The following MED15 variants were observed in gnomAD, a reference collection of about 807,000 sequenced individuals.
MED15 encodes mediator complex subunit 15, also known as mediator of RNA polymerase II transcription subunit 15.
MED15 carries 41 observed loss-of-function variants against 118.7 expected under a neutral mutation model. The observed-to-expected ratio is 0.35, with a 90% confidence interval of 0.27 to 0.45. MED15 has a LOEUF of 0.45. Among genes scored for constraint, MED15 ranks in the 20% least tolerant of loss-of-function variants. MED15 has a pLI of 1.00. For missense variants in MED15, 740 were observed against 1,025.5 expected (o/e 0.72, Z 3.80); for synonymous variants, 436 against 413.9 (o/e 1.05, Z -0.65).
Position 20,586,832 on chromosome 22 carries a change from C to A in MED15, c.*128C>A. 1 of 1,351,194 alleles carries A rather than the reference C, an allele frequency of 7.4e-7. No individual in the cohort carries two copies. The highest frequency in any genetic ancestry group is 9.9e-7 in the Non-Finnish European group (1 of 1,005,222). 83.7% of individuals were successfully genotyped at this position (1,351,194 alleles called of 1,614,324 possible). ...TTAGCTTTCCTGCTTTTATCTTCTG[C>A]CTTGGGGACCTGCCAAACGAAATCC... On this transcript the variant is annotated 3_prime_UTR_variant, in exon 18 of 18. Transcript: ENST00000263205.
At chr22:20,520,560 G>A (rs2054410047) in intron 1 of MED15, among the ~76,000 whole-genome samples, 1 of 152,218 alleles carries the variant, frequency 6.6e-6, no homozygotes, top group Admixed American at 6.5e-5. Context: ...TTCATGGGGT[G>A]TTTAAATTGA....
chr22:20,564,728 C>T (rs749983855), intron 6 of MED15, 40 bp downstream of exon 6: 6 of 1,612,226 alleles, frequency 3.7e-6, no homozygotes, highest in Non-Finnish European at 5.1e-6. Context: ...CTCCCTCCTG[C>T]AGCGTGAGCC....
At chr22:20,528,678 A>G (rs953486376) in intron 1 of MED15, among the ~76,000 whole-genome samples, 4 of 152,310 alleles carry the variant, frequency 2.6e-5, no homozygotes, top group Admixed American at 2.6e-4. Context: ...CCTGGCTGCC[A>G]GCATGCTGCT....
chr22:20,511,590 A>G (rs2054066079), intron 1 of MED15, among the ~76,000 whole-genome samples: 2 of 151,932 alleles, frequency 1.3e-5, no homozygotes, highest in African/African-American at 2.4e-5. Context: ...ACAATGCCCC[A>G]GAGCATGAGC....
At chr22:20,535,895 T>G (rs1174036126) in intron 1 of MED15, among the ~76,000 whole-genome samples, 1 of 82,758 alleles carries the variant, frequency 1.2e-5, no homozygotes, top group African/African-American at 4.6e-5. Context: ...TTTTTTTTTT[T>G]GAGATGGAGT....
In MED15 at chr22:20,555,127, G is replaced by T. The variant is rs747993472; in HGVS notation, c.430G>T (p.Val144Leu). ...SGMAPHSMAV[V>L]STATPQTQLQ... ...GATGGCCCCTCACAGCATGGCTGTC[G>T]TGTCTACGGCAACTCCACAGAGTGA... Residue 144 changes from valine (V) to leucine (L), a missense_variant, in exon 5 of 18, where the codon GTG becomes TTG. Val to Leu is a conservative substitution (Grantham distance 32). This residue lies in a region of MED15 where 117 missense variants were observed against 124.6 expected (regional missense o/e 0.94). Transcript: ENST00000263205. The T allele has an allele frequency of 1.2e-6, 2 of 1,605,218 alleles. No homozygotes were observed. The highest frequency in any genetic ancestry group is 2.2e-5 in the South Asian group (2 of 89,842).
chr22:20,513,532 C>T (rs1011562108), intron 1 of MED15, among the ~76,000 whole-genome samples: 1 of 152,194 alleles, frequency 6.6e-6, no homozygotes, highest in African/African-American at 2.4e-5. Flanking sequence ...CTGCCTCGGC[C>T]TCCCAAAGTG....
chr22:20,568,633 T>G lies in MED15; in HGVS notation c.1152+2T>G, dbSNP rs1173398862. 6.2e-7 allele frequency: 1 copy of G among 1,612,392 alleles called. No individual in the cohort carries two copies. On this transcript the variant is annotated splice_donor_variant, in intron 8 of 17. Transcript: ENST00000263205. LOFTEE classifies it high-confidence loss of function. Reference sequence around the variant, plus strand: ...CAGATGGTGGCTCCCGGAGTCCAGGTGAGGGCCTGGGGGTGGAGGGCTCCA... The same window carrying G: ...CAGATGGTGGCTCCCGGAGTCCAGGGGAGGGCCTGGGGGTGGAGGGCTCCA...
chr22:20,584,173 G>C, intron 13 of MED15, 186 bp from the exon 14 acceptor site: 1 of 625,252 alleles, frequency 1.6e-6, no homozygotes, highest in Non-Finnish European at 2.8e-6. Context: ...CTGCCAACCA[G>C]GGACAAGCAG....
At chr22:20,513,041 G>C (rs990245325) in intron 1 of MED15, among the ~76,000 whole-genome samples, 1 of 151,414 alleles carries the variant, frequency 6.6e-6, no homozygotes, top group African/African-American at 2.4e-5. Context: ...CGCCCGGCCG[G>C]GTCACCTCTT....
At chr22:20,537,654 A>G (rs2055133641) in intron 2 of MED15, among the ~76,000 whole-genome samples, 1 of 152,268 alleles carries the variant, frequency 6.6e-6, no homozygotes, top group African/African-American at 2.4e-5. Context: ...ATGCTTATCT[A>G]GAACTCGCCA....
At chr22:20,584,498 G>A (rs1569253725) in intron 14 of MED15, 73 bp downstream of exon 14, 4 of 1,530,312 alleles carry the variant, frequency 2.6e-6, no homozygotes, top group Non-Finnish European at 3.6e-6. Flanking sequence ...TGCTGAGAGG[G>A]CCTTCAAGGT....
intron 8 of MED15, among the ~76,000 whole-genome samples, chr22:20,573,380 C>G (rs1359496488): frequency 6.6e-6 from 1 of 152,228 alleles, no homozygotes; most frequent in Admixed American, 6.5e-5. Context: ...CCAAGACAGA[C>G]TCCCATTGTG....
intron 1 of MED15, among the ~76,000 whole-genome samples, chr22:20,534,258 A>G (rs1453433878): frequency 1.3e-5 from 2 of 151,846 alleles, no homozygotes; most frequent in South Asian, 2.1e-4. Context: ...GAGTCTCCCT[A>G]TTGGTCCCAG....
At chr22:20,511,991 T>TTTTTTTTTTTG (rs2054084967) in intron 1 of MED15, among the ~76,000 whole-genome samples, 4 of 139,972 alleles carry the variant, frequency 2.9e-5, no homozygotes, top group Admixed American at 1.4e-4. Flanking sequence ...TTCTAAGCTT[T>TTTTTTTTTTTG]TTTTTTTTTT....
intron 1 of MED15, among the ~76,000 whole-genome samples, chr22:20,509,957 T>G (rs1296763748): frequency 6.6e-6 from 1 of 152,086 alleles, no homozygotes; most frequent in African/African-American, 2.4e-5. Context: ...TTATGGGTGT[T>G]GAGTGACTGG....
At position 20,586,928 on chromosome 22, in the gene MED15, G is replaced by A; in HGVS notation, c.*224G>A. 1 of 637,310 alleles carries A rather than the reference G, an allele frequency of 1.6e-6. No individual in the cohort carries two copies. Among genetic ancestry groups the A allele is most frequent in the South Asian group, 2.2e-5 (1 of 46,450 alleles). 39.5% of individuals were successfully genotyped at this position (637,310 alleles called of 1,614,324 possible). ...GGGGGGCGTTGGCCGACTTCTTAGA[G>A]AAGGCCCTCCATGTGACTTCCTCCC... On this transcript the variant is annotated 3_prime_UTR_variant, in exon 18 of 18. Coordinates refer to ENST00000263205, the MANE Select transcript of MED15 (RefSeq NM_001003891.3).
At chr22:20,541,251 C>G (rs1444770149) in intron 2 of MED15, among the ~76,000 whole-genome samples, 1 of 151,648 alleles carries the variant, frequency 6.6e-6, no homozygotes, top group Admixed American at 6.6e-5. Flanking sequence ...AAAATAAATA[C>G]ATAAATAAAA....
At chr22:20,521,487 C>T (rs1009275215) in intron 1 of MED15, among the ~76,000 whole-genome samples, 10 of 151,526 alleles carry the variant, frequency 6.6e-5, no homozygotes, top group African/African-American at 2.4e-4. Context: ...AGCTCTGCCT[C>T]CCGGGTTCAC....
Sources: gnomAD v4.1 joint callset for allele counts (sites outside exome capture counted in the v4.1 genomes callset) on GRCh38, gnomAD v4.1.1 for gene constraint, gnomAD v4.1.1 regional missense constraint, MANE v1.5 for transcripts, NCBI Gene and HGNC (gene_info 2026-07-23, HGNC 2026-07-21) for gene names.